Variants in CPVL observed in about 807,000 individuals in gnomAD.
The protein encoded by CPVL is probable serine carboxypeptidase CPVL.
In CPVL, 51 loss-of-function variants were observed where a neutral mutation model predicts 63.7. The observed-to-expected ratio is 0.80, with a 90% confidence interval of 0.64 to 1.01. The LOEUF (loss-of-function observed/expected upper bound fraction) is 1.01. Ranked by LOEUF, CPVL falls within the 50% of genes least tolerant of loss-of-function variation. The pLI is 0.00. For synonymous variants in CPVL, 195 were observed against 206.0 expected (o/e 0.95, Z 0.46); for missense variants, 530 against 573.1 (o/e 0.92, Z 0.77).
intron 1 of CPVL, among the ~76,000 whole-genome samples, chr7:29,143,193 G>GT (rs1366377009): frequency 6.6e-6 from 1 of 152,156 alleles, no homozygotes; most frequent in Non-Finnish European, 1.5e-5. Context: ...TCAAACCAAA[G>GT]TTACATGATT....
At chr7:29,034,903 T>C (rs756012684) in intron 11 of CPVL, among the ~76,000 whole-genome samples, 6 of 151,452 alleles carry the variant, frequency 4.0e-5, no homozygotes, top group African/African-American at 1.5e-4. Context: ...ATACCTCAGT[T>C]TGGCAAAAGA....
At chr7:29,132,021 G>T (rs926272346) in intron 1 of CPVL, among the ~76,000 whole-genome samples, 1 of 152,236 alleles carries the variant, frequency 6.6e-6, no homozygotes, top group African/African-American at 2.4e-5. Context: ...AACTGAGGAA[G>T]AGAGATAGGC....
intron 4 of CPVL, 95 bp from the exon 5 acceptor site, chr7:29,095,237 T>C (rs1000521843): frequency 1.0e-6 from 1 of 993,058 alleles, no homozygotes; most frequent in Non-Finnish European, 1.6e-6. Context: ...CCCACGGTCC[T>C]CATGAGCTGT....
intron 1 of CPVL, among the ~76,000 whole-genome samples, chr7:29,144,938 G>A (rs1330939952): frequency 6.6e-6 from 1 of 151,776 alleles, no homozygotes; most frequent in South Asian, 2.1e-4. Context: ...ATAAATTGGG[G>A]GATCAATTGC....
intron 5 of CPVL, among the ~76,000 whole-genome samples, chr7:29,093,317 CAGTG>C (rs113411794): frequency 0.18 from 25,724 of 142,456 alleles, 4,431 homozygotes; most frequent in African/African-American, 0.46. Flanking sequence ...GCGGAGATTG[CAGTG>C]AGCTGAGATC....
intron 5 of CPVL, among the ~76,000 whole-genome samples, chr7:29,161,763 A>C (rs1795206136): frequency 6.6e-6 from 1 of 152,216 alleles, no homozygotes; most frequent in African/African-American, 2.4e-5. Flanking sequence ...ACTGGAAGAA[A>C]ATATTTGCAA....
Position 29,112,693 on chromosome 7 carries a change from T to C in CPVL, c.288+11A>G. The C allele has an allele frequency of 6.3e-7, 1 of 1,583,682 alleles. No homozygotes were observed. ...TCTTGAACACTGGTGTTCTTTCTGT[T>C]GGGCACCTACCTGAGCTGGGAAGAA... On this transcript the variant is annotated intron_variant, in intron 3 of 12. Coordinates refer to ENST00000265394, the MANE Select transcript of CPVL (RefSeq NM_031311.5).
chr7:29,169,805 C>A (rs6960856), intron 5 of CPVL, among the ~76,000 whole-genome samples: 2,375 of 151,610 alleles, frequency 0.016, 59 homozygotes, highest in African/African-American at 0.052. Context: ...TCCATGGCTA[C>A]CTGGCAGGGA....
intron 9 of CPVL, among the ~76,000 whole-genome samples, chr7:29,068,654 T>G (rs1168558019): frequency 6.6e-6 from 1 of 151,470 alleles, no homozygotes; most frequent in Non-Finnish European, 1.5e-5. Flanking sequence ...CCCACAGGAC[T>G]GCATCACCAC....
Position 29,030,626 on chromosome 7 carries a change from G to C in CPVL, c.1271C>G (p.Ser424Cys). 1 of 1,613,832 alleles carries C rather than the reference G, an allele frequency of 6.2e-7. No individual in the cohort carries two copies. The highest frequency in any genetic ancestry group is 8.5e-7 in the Non-Finnish European group (1 of 1,179,902). ...AEKKVWKIFK[S>C]DSEVAGYIRQ... ...GATGTAACCAGCCACTTCACTGTCA[G>C]ATTTAAAGATCTTCCAAACTTTTTT... is the stretch of plus-strand genomic sequence containing the variant. The change falls in exon 12 of 13, where the codon TCT becomes TGT. Residue 424 changes from serine (S) to cysteine (C), a missense_variant. Ser to Cys is a moderately radical substitution (Grantham distance 112, BLOSUM62 -1). Coordinates refer to ENST00000265394, the MANE Select transcript of CPVL (RefSeq NM_031311.5).
At chr7:29,141,569 T>TA (rs984506303) in intron 1 of CPVL, among the ~76,000 whole-genome samples, 6 of 150,210 alleles carry the variant, frequency 4.0e-5, no homozygotes, top group African/African-American at 1.5e-4. Context: ...AAATAAAAAA[T>TA]AAAAAAACAA....
At chr7:29,118,919 C>T (rs1789054513) in intron 2 of CPVL, among the ~76,000 whole-genome samples, 1 of 152,158 alleles carries the variant, frequency 6.6e-6, no homozygotes, top group Non-Finnish European at 1.5e-5. Context: ...TGTCTCTCAC[C>T]TTCTTAAACA....
At chr7:29,095,957 T>C (rs1786362999) in intron 4 of CPVL, 146 bp downstream of exon 4, 1 of 715,426 alleles carries the variant, frequency 1.4e-6, no homozygotes. Context: ...CCTTCTCGGA[T>C]GGATATTGCC....
chr7:29,142,705 T>G (rs1792031235), intron 1 of CPVL, among the ~76,000 whole-genome samples: 1 of 151,898 alleles, frequency 6.6e-6, no homozygotes, highest in African/African-American at 2.4e-5. Flanking sequence ...TTTGTATTTT[T>G]AGTAGACACA....
chr7:29,175,542 A>G (rs1562808827), intron 5 of CPVL, among the ~76,000 whole-genome samples: 2 of 152,044 alleles, frequency 1.3e-5, no homozygotes, highest in South Asian at 2.1e-4. Context: ...GCCTGCCGCC[A>G]TGTAAGACAT....
intron 12 of CPVL, among the ~76,000 whole-genome samples, chr7:29,015,673 T>C (rs1786336951): frequency 6.6e-6 from 1 of 152,170 alleles, no homozygotes; most frequent in South Asian, 2.1e-4. Flanking sequence ...AGGTATTTCC[T>C]TATAGCAGTA....
intron 1 of CPVL, among the ~76,000 whole-genome samples, chr7:29,137,274 T>A (rs531050888): frequency 6.6e-6 from 1 of 152,152 alleles, no homozygotes; most frequent in Non-Finnish European, 1.5e-5. Context: ...GAGAGGGGCA[T>A]CTGAATGGGA....
intron 5 of CPVL, among the ~76,000 whole-genome samples, chr7:29,093,267 C>T (rs1786018548): frequency 6.6e-6 from 1 of 151,226 alleles, no homozygotes; most frequent in Admixed American, 6.6e-5. Flanking sequence ...ATCCCAGCTA[C>T]TCAGGAGGCT....
chr7:29,179,470 C>A (rs1797792867), intron 5 of CPVL, among the ~76,000 whole-genome samples: 1 of 152,160 alleles, frequency 6.6e-6, no homozygotes, highest in Non-Finnish European at 1.5e-5. Flanking sequence ...CTCTCAGATG[C>A]TAGAAAATCC....
Sources: allele counts gnomAD v4.1 joint callset (sites outside exome capture counted in the v4.1 genomes callset), GRCh38; gene constraint gnomAD v4.1.1; transcripts MANE v1.5; gene names NCBI Gene and HGNC (gene_info 2026-07-23, HGNC 2026-07-21).